The following AGBL1 variants were observed in gnomAD, a reference collection of about 807,000 sequenced individuals.
AGBL1 encodes cytosolic carboxypeptidase 4.
A neutral mutation model predicts 118.9 loss-of-function variants in AGBL1; 130 were observed. The ratio of observed to expected loss-of-function variants is 1.09; its 90% confidence interval spans 0.95 to 1.26. AGBL1 has a LOEUF of 1.26. Ranked by LOEUF, AGBL1 falls within the 50% of genes most tolerant of loss-of-function variation. The pLI is 0.00. For synonymous variants in AGBL1, 555 were observed against 478.9 expected, an observed-to-expected ratio of 1.16 and a Z score of -2.08; for missense variants, 1,584 against 1,298.1, an observed-to-expected ratio of 1.22 and a Z score of -3.38.
chr15:86,519,654 A>G lies in AGBL1; in HGVS notation c.2556-3156A>G, dbSNP rs1403728739. ...GACTGCCAAAGCCCTAGTCACACACAGAGATACTCTCCAAATCATAACCAC... is the reference window on the plus strand; with the variant it reads ...GACTGCCAAAGCCCTAGTCACACACGGAGATACTCTCCAAATCATAACCAC... On this transcript the variant is annotated intron_variant, in intron 18 of 22. Coordinates refer to ENST00000614907, the MANE Select transcript of AGBL1 (RefSeq NM_001386094.1). Among the ~76,000 whole-genome samples, 4 of 152,224 alleles carry G rather than the reference A, an allele frequency of 2.6e-5. No individual in the cohort carries two copies. In the East Asian group the frequency reaches 5.8e-4, roughly 22 times the overall value.
chr15:86,228,914 G>A (rs1334840275), intron 6 of AGBL1, among the ~76,000 whole-genome samples: 1 of 152,140 alleles, frequency 6.6e-6, no homozygotes, highest in African/African-American at 2.4e-5. Flanking sequence ...GCTCACTCAA[G>A]GTTCCTTTCT....
chr15:86,644,889 C>T (rs973763743), intron 21 of AGBL1, among the ~76,000 whole-genome samples: 2 of 147,052 alleles, frequency 1.4e-5, no homozygotes, highest in Non-Finnish European at 3.0e-5. Context: ...GGCGTGGTGG[C>T]ACGCACCTGT....
At chr15:86,762,245 G>A (rs1420904775) in intron 22 of AGBL1, among the ~76,000 whole-genome samples, 1 of 151,952 alleles carries the variant, frequency 6.6e-6, no homozygotes, top group Non-Finnish European at 1.5e-5. Flanking sequence ...GAGAGCATTA[G>A]GGAAAAGAGC....
At chr15:86,577,422 CAG>C (rs1391705519) in intron 21 of AGBL1, among the ~76,000 whole-genome samples, 1 of 152,056 alleles carries the variant, frequency 6.6e-6, no homozygotes, top group Non-Finnish European at 1.5e-5. Context: ...AAAAGGGAAA[CAG>C]AGCATAAAAA....
In AGBL1 at chr15:86,411,931, A is replaced by G. The variant is rs1430818338; in HGVS notation, c.2555+14385A>G. Among the ~76,000 whole-genome samples the G allele has an allele frequency of 2.0e-5, 3 of 152,100 alleles. No homozygotes were observed. The East Asian group carries it at 5.8e-4, about 29-fold the overall frequency. On this transcript the variant is annotated intron_variant, in intron 18 of 22. Coordinates refer to ENST00000614907, the MANE Select transcript of AGBL1 (RefSeq NM_001386094.1). The stretch of plus-strand genomic sequence containing the variant: ...TTACTCTGTTCATACCCTGCTTAGG[A>G]GATTGTGTCTAATTAGGGATTGGTT...
chr15:86,937,126 T>C (rs967774126), intron 23 of AGBL1, among the ~76,000 whole-genome samples: 1 of 152,160 alleles, frequency 6.6e-6, no homozygotes, highest in Non-Finnish European at 1.5e-5. Flanking sequence ...CCTCTAAGAA[T>C]GCTATTATGA....
At chr15:86,419,173 T>A (rs754405060) in intron 18 of AGBL1, among the ~76,000 whole-genome samples, 5 of 151,904 alleles carry the variant, frequency 3.3e-5, no homozygotes, top group Non-Finnish European at 4.4e-5. Flanking sequence ...GCTGGCAAGA[T>A]GGCTGAATAG....
At chr15:86,381,833 G>T (rs536602895) in intron 17 of AGBL1, among the ~76,000 whole-genome samples, 1 of 152,140 alleles carries the variant, frequency 6.6e-6, no homozygotes, top group East Asian at 1.9e-4. Flanking sequence ...GCAGGTGGGG[G>T]TCTGTGGCAT....
At chr15:86,273,083 T>C (rs749107579) in intron 15 of AGBL1, among the ~76,000 whole-genome samples, 12 of 152,378 alleles carry the variant, frequency 7.9e-5, no homozygotes, top group Non-Finnish European at 1.6e-4. Flanking sequence ...AGCTTAGAGC[T>C]GGCTTGGACC....
intron 18 of AGBL1, among the ~76,000 whole-genome samples, chr15:86,471,903 A>C (rs1028826755): frequency 2.6e-5 from 4 of 152,230 alleles, no homozygotes. Context: ...TCACTAAGTT[A>C]AAGATCTCAA....
chr15:86,183,718 A>G (rs1284924325), intron 5 of AGBL1, among the ~76,000 whole-genome samples: 1 of 152,212 alleles, frequency 6.6e-6, no homozygotes, highest in Non-Finnish European at 1.5e-5. Context: ...CTCATCACAC[A>G]TAATAAAATC....
Position 86,907,697 on chromosome 15 carries a change from G to A in AGBL1, c.*403G>A, listed in dbSNP as rs1224758498. On this transcript the variant is annotated 3_prime_UTR_variant, in exon 23 of 23. Transcript: ENST00000614907. ...GCCAGAATTCTAAGTGGTTATTTAA[G>A]TTGTTCCATATACAAGTGTTATCTT... is the stretch of plus-strand genomic sequence containing the variant. 2 of 152,180 alleles carry A rather than the reference G, an allele frequency of 1.3e-5. No individual in the cohort carries two copies. Among genetic ancestry groups the A allele is most frequent in the Non-Finnish European group, 2.9e-5 (2 of 68,052 alleles). The allele number at this position is 152,180 out of a possible 1,614,324, so 9.4% of individuals were successfully genotyped here.
At chr15:86,545,139 C>T (rs1856310532) in intron 19 of AGBL1, among the ~76,000 whole-genome samples, 2 of 152,196 alleles carry the variant, frequency 1.3e-5, no homozygotes, top group African/African-American at 4.8e-5. Context: ...ACAGTTTTTC[C>T]CCTCTACCAC....
intron 18 of AGBL1, among the ~76,000 whole-genome samples, chr15:86,518,357 T>G (rs1314089681): frequency 6.6e-6 from 1 of 152,158 alleles, no homozygotes; most frequent in Non-Finnish European, 1.5e-5. Flanking sequence ...GAATTATTTT[T>G]CGTGGCATCA....
chr15:86,418,487 T>C (rs2081734443), intron 18 of AGBL1, among the ~76,000 whole-genome samples: 1 of 152,186 alleles, frequency 6.6e-6, no homozygotes, highest in Non-Finnish European at 1.5e-5. Flanking sequence ...TTTTTATGAG[T>C]TCTACTTCCT....
chr15:86,823,493 C>A (rs774577869), intron 22 of AGBL1, among the ~76,000 whole-genome samples: 1 of 152,134 alleles, frequency 6.6e-6, no homozygotes, highest in Non-Finnish European at 1.5e-5. Context: ...TCCTTCATTG[C>A]CTCCAGGCCA....
intron 22 of AGBL1, among the ~76,000 whole-genome samples, chr15:86,712,813 G>A (rs1035308675): frequency 6.6e-6 from 1 of 152,174 alleles, no homozygotes; most frequent in Non-Finnish European, 1.5e-5. Flanking sequence ...TACTTGATTA[G>A]TGAAGATAGC....
chr15:86,217,829 A>G (rs542225694), intron 5 of AGBL1, among the ~76,000 whole-genome samples: 2 of 145,598 alleles, frequency 1.4e-5, no homozygotes, highest in East Asian at 2.2e-4. Flanking sequence ...CTCCTGGTCC[A>G]TGTTTCAGAT....
At chr15:86,227,745 C>A (rs574706041) in intron 6 of AGBL1, among the ~76,000 whole-genome samples, 17 of 152,342 alleles carry the variant, frequency 1.1e-4, no homozygotes, top group African/African-American at 4.1e-4. Flanking sequence ...TGAAATTCCT[C>A]AGTATCAGCC....
Sources: gnomAD v4.1 joint callset for allele counts (sites outside exome capture counted in the v4.1 genomes callset) on GRCh38, gnomAD v4.1.1 for gene constraint, MANE v1.5 for transcripts, NCBI Gene and HGNC (gene_info 2026-07-23, HGNC 2026-07-21) for gene names.